NLRC5: variants seen among roughly 807,000 people sequenced by gnomAD.
NLRC5 encodes the protein NLR family CARD domain containing 5.
A neutral mutation model predicts 206.9 loss-of-function variants in NLRC5; 114 were observed. The ratio of observed to expected loss-of-function variants is 0.55; its 90% confidence interval spans 0.47 to 0.64. The LOEUF is 0.64. Among genes scored for constraint, NLRC5 ranks in the 30% least tolerant of loss-of-function variants. NLRC5 has a pLI of 0.00. For synonymous variants in NLRC5, 952 were observed against 962.8 expected (o/e 0.99, Z 0.21); for missense variants, 2,008 against 2,305.5 (o/e 0.87, Z 2.64).
intron 38 of NLRC5, among the ~76,000 whole-genome samples, chr16:57,073,658 G>A (rs698244): frequency 0.56 from 84,883 of 151,662 alleles, 24,308 homozygotes; most frequent in Non-Finnish European, 0.62. Flanking sequence ...CAGTGGCACA[G>A]TCTTGGCTCA....
chr16:56,992,882 T>C (rs1007457725), intron 1 of NLRC5, among the ~76,000 whole-genome samples: 2 of 152,176 alleles, frequency 1.3e-5, no homozygotes, highest in African/African-American at 4.8e-5. Flanking sequence ...TCTTATTATA[T>C]CATGTTTTAA....
Position 57,046,600 on chromosome 16 carries a change from G to A in NLRC5, c.3297G>A (p.Lys1099=). The A allele has an allele frequency of 6.2e-7, 1 of 1,614,082 alleles. No individual in the cohort carries two copies. Among genetic ancestry groups the A allele is most frequent in the Non-Finnish European group, 8.5e-7 (1 of 1,179,968 alleles). The change falls in exon 22 of 49, where the codon AAG becomes AAA. Residue 1099 remains lysine (K), a synonymous_variant. Transcript: ENST00000688547. ...GSLPDFPAAA[K]FLGFRQRCIP... ...TGCCAGACTTCCCAGCTGCAGCCAA[G>A]TTCTTAGGGTTCCGTCAGCGCTGCA...
chr16:57,003,239 G>A (rs1313611180), intron 1 of NLRC5, among the ~76,000 whole-genome samples: 1 of 151,886 alleles, frequency 6.6e-6, no homozygotes, highest in African/African-American at 2.4e-5. Context: ...AAGTAGAGAC[G>A]AGGTTTCCTC....
intron 1 of NLRC5, among the ~76,000 whole-genome samples, chr16:57,015,107 T>G (rs1244354240): frequency 1.3e-5 from 2 of 152,112 alleles, no homozygotes; most frequent in Non-Finnish European, 2.9e-5. Context: ...TTTTATGTTT[T>G]TATTAGAGAT....
intron 1 of NLRC5, among the ~76,000 whole-genome samples, chr16:56,997,077 G>T (rs1370434939): frequency 6.6e-6 from 1 of 152,108 alleles, no homozygotes; most frequent in Admixed American, 6.5e-5. Context: ...TCACCATGTT[G>T]CCCTGGCTGG....
In NLRC5 at chr16:57,037,267, G is replaced by A; in HGVS notation, c.2784G>A (p.Leu928=). 1 of 1,613,374 alleles carries A rather than the reference G, an allele frequency of 6.2e-7. No individual in the cohort carries two copies. Among genetic ancestry groups the A allele is most frequent in the Non-Finnish European group, 8.5e-7 (1 of 1,179,960 alleles). ...VLRAVSACWT[L]AELHISLQHK... The stretch of plus-strand genomic sequence containing the variant: ...GGGCCGTGAGTGCGTGCTGGACCCT[G>A]GCAGAGCTGCACATCAGGTGGGAGC... Residue 928 remains leucine, a synonymous_variant, in exon 15 of 49, where the codon CTG becomes CTA. Transcript: ENST00000688547.
chr16:56,993,128 TATATACAC>T lies in NLRC5; in HGVS notation c.-128+3513_-128+3520del, dbSNP rs1205655769. Reference sequence around the variant, plus strand: ...ATATACACGTATATATGTGTATATATATATACACACACACACACACACACATATACACA... The same window carrying T: ...ATATACACGTATATATGTGTATATATACACACACACACACACATATACACA... On this transcript the variant is annotated intron_variant, in intron 1 of 48. Transcript: ENST00000688547. 2.1e-3 allele frequency among the ~76,000 whole-genome samples: 314 copies of T among 147,136 alleles called. 1 individual carries two copies. The highest frequency in any genetic ancestry group is 7.5e-3 in the African/African-American group (295 of 39,508).
chr16:57,041,972 C>A lies in NLRC5; in HGVS notation c.3030-10C>A. 1 of 1,559,544 alleles carries A rather than the reference C, an allele frequency of 6.4e-7. No individual in the cohort carries two copies. Among genetic ancestry groups the A allele is most frequent in the Non-Finnish European group, 8.6e-7 (1 of 1,158,026 alleles). On this transcript the variant is annotated splice_polypyrimidine_tract_variant and intron_variant, in intron 18 of 48. Transcript: ENST00000688547. ...GCTAATGTTCTCCCCTCCCTTCTCC[C>A]CACCCCCAGCTTCTCAGGCAATGCT...
intron 45 of NLRC5, 39 bp downstream of exon 45, chr16:57,079,331 A>G (rs2068837002): frequency 1.9e-6 from 3 of 1,602,818 alleles, no homozygotes; most frequent in Non-Finnish European, 2.6e-6. Context: ...GACCAGTGGC[A>G]GGCTGAGGGC....
intron 23 of NLRC5, among the ~76,000 whole-genome samples, chr16:57,048,595 G>T (rs916820556): frequency 3.3e-5 from 5 of 152,078 alleles, no homozygotes; most frequent in African/African-American, 1.2e-4. Context: ...GTGCAATGGC[G>T]TGATCTCGGC....
rs562666118 is a variant in NLRC5, at chr16:57,037,430, C to T, written c.2801+146C>T. ...CCAGACCCCGTTACAGCCGGCACCC[C>T]TCTTCCTAGCTGCTGTGGATATAGG... On this transcript the variant is annotated intron_variant, in intron 15 of 48. Coordinates refer to ENST00000688547, the MANE Select transcript of NLRC5 (RefSeq NM_001384950.1). The T allele has an allele frequency of 6.3e-4, 442 of 701,260 alleles. 2 individuals are homozygous for T. The Middle Eastern group carries it at 7.1e-3, about 11-fold the overall frequency. The allele number at this position is 701,260 out of a possible 1,614,324, so 43.4% of individuals were successfully genotyped here. A position where few individuals can be genotyped will look rare whatever the true frequency, so the allele number is the denominator to read the frequency against.
chr16:57,079,741 C>A, intron 46 of NLRC5, 112 bp downstream of exon 46: 1 of 757,324 alleles, frequency 1.3e-6, no homozygotes, highest in Non-Finnish European at 2.3e-6. Flanking sequence ...TCCTCTCTGG[C>A]CAGTCCTCCC....
chr16:57,015,610 A>G (rs62035541), intron 1 of NLRC5, among the ~76,000 whole-genome samples: 66,401 of 128,658 alleles, frequency 0.52, 15,171 homozygotes, highest in Middle Eastern at 0.65. Context: ...AAATAAATAA[A>G]TAAATAAATA....
At position 57,061,523 on chromosome 16, in the gene NLRC5, G is replaced by T; in HGVS notation, c.4062G>T (p.Thr1354=). The change falls in exon 31 of 49, where the codon ACG becomes ACT. Residue 1354 remains threonine (T), a synonymous_variant. Coordinates refer to ENST00000688547, the MANE Select transcript of NLRC5 (RefSeq NM_001384950.1). ...ATGLSKSLQL[T]ELTLTQCCLG... is the part of the protein sequence containing the mutation. ...GCTTGAGCAAGTCCCTGCAGCTGAC[G>T]GAGCTCACGTGAGTGACCCACCCAG... 6.2e-7 allele frequency: 1 copy of T among 1,609,974 alleles called. No homozygotes were observed. Among genetic ancestry groups the T allele is most frequent in the Non-Finnish European group, 8.5e-7 (1 of 1,180,010 alleles).
chr16:57,062,428 C>T (rs1262856008), intron 32 of NLRC5: 1 of 282,940 alleles, frequency 3.5e-6, no homozygotes, highest in Non-Finnish European at 6.9e-6. Context: ...GGTCTTCTGA[C>T]TCTTCTAACC....
At chr16:57,006,537 T>C (rs559168108) in intron 1 of NLRC5, among the ~76,000 whole-genome samples, 4 of 148,920 alleles carry the variant, frequency 2.7e-5, no homozygotes, top group South Asian at 2.2e-4. Context: ...CTCAGCCTCC[T>C]GAGTGGCTGG....
chr16:57,026,819 G>A lies in NLRC5; in HGVS notation c.1876G>A (p.Glu626Lys), dbSNP rs1401542310. Reference sequence around the variant, plus strand: ...CTGTGTGGATGAGACACAGGAGCCTGAGCTGGCCAGTCTCACCGCACAAAG... The same window carrying A: ...CTGTGTGGATGAGACACAGGAGCCTAAGCTGGCCAGTCTCACCGCACAAAG... ...CHCVDETQEP[E>K]LASLTAQSLP... Residue 626 changes from glutamate to lysine, a missense_variant, in exon 6 of 49, where the codon GAG becomes AAG. By Grantham distance (56) the Glu-to-Lys change is moderately conservative (BLOSUM62 1). Coordinates refer to ENST00000688547, the MANE Select transcript of NLRC5 (RefSeq NM_001384950.1). 2 of 1,614,178 alleles carry A rather than the reference G, an allele frequency of 1.2e-6. No individual in the cohort carries two copies. Among genetic ancestry groups the A allele is most frequent in the Admixed American group, 1.7e-5 (1 of 60,026 alleles).
intron 2 of NLRC5, among the ~76,000 whole-genome samples, chr16:57,017,930 T>C (rs2060255220): frequency 6.6e-6 from 1 of 152,206 alleles, no homozygotes; most frequent in Admixed American, 6.5e-5. Flanking sequence ...GTCTCCAAGA[T>C]TATTCCCCAT....
chr16:57,058,143 G>A lies in NLRC5; in HGVS notation c.3825G>A (p.Leu1275=), dbSNP rs774227646. 4 of 1,606,766 alleles carry A rather than the reference G, an allele frequency of 2.5e-6. No individual in the cohort carries two copies. Among genetic ancestry groups the A allele is most frequent in the Admixed American group, 1.7e-5 (1 of 59,432 alleles). ...ECLPQVPISG[L]LDLSHNSISQ... is the part of the protein sequence containing the mutation. ...TGCCGCAGGTGCCCATCTCCGGTTT[G>A]CTTGAGTAAGTGGAAAGCAGCATAA... Residue 1275 remains leucine (L), a synonymous_variant, in exon 28 of 49, where the codon TTG becomes TTA. Coordinates refer to ENST00000688547, the MANE Select transcript of NLRC5 (RefSeq NM_001384950.1).
Sources: allele counts gnomAD v4.1 joint callset (sites outside exome capture counted in the v4.1 genomes callset), GRCh38; gene constraint gnomAD v4.1.1; transcripts MANE v1.5; gene names NCBI Gene and HGNC (gene_info 2026-07-23, HGNC 2026-07-21).